The following FUT8 variants were observed in gnomAD, a reference collection of about 807,000 sequenced individuals.
The protein encoded by FUT8 is alpha-(1,6)-fucosyltransferase.
A neutral mutation model predicts 71.3 loss-of-function variants in FUT8; 29 were observed. The ratio of observed to expected loss-of-function variants is 0.41; its 90% CI spans 0.30 to 0.55. FUT8 has a LOEUF of 0.55. Ranked by LOEUF, FUT8 falls within the 20% of genes least tolerant of loss-of-function variation. The pLI, the probability that FUT8 is intolerant of heterozygous loss-of-function variation, is 0.34. For synonymous variants in FUT8, 254 were observed against 239.3 expected, an observed-to-expected ratio of 1.06 and a Z score of -0.57; for missense variants, 544 against 702.1, an observed-to-expected ratio of 0.77 and a Z score of 2.55.
chr14:65,599,826 CTTTA>C (rs1888203958), intron 3 of FUT8, among the ~76,000 whole-genome samples: 1 of 152,128 alleles, frequency 6.6e-6, no homozygotes, highest in Admixed American at 6.6e-5. Context: ...TAACTACTTT[CTTTA>C]TTTGGAAAAA....
intron 6 of FUT8, among the ~76,000 whole-genome samples, chr14:65,658,249 A>G (rs540278625): frequency 6.6e-6 from 1 of 152,192 alleles, no homozygotes; most frequent in Non-Finnish European, 1.5e-5. Flanking sequence ...TGCAAAAGAC[A>G]TGATGAGATA....
At chr14:65,576,218 A>T (rs1429244977) in intron 3 of FUT8, among the ~76,000 whole-genome samples, 1 of 152,138 alleles carries the variant, frequency 6.6e-6, no homozygotes. Context: ...AATGGCTTCC[A>T]GGCTAAGAAT....
At chr14:65,439,044 G>A (rs1351316694) in intron 1 of FUT8, among the ~76,000 whole-genome samples, 1 of 152,146 alleles carries the variant, frequency 6.6e-6, no homozygotes, top group Non-Finnish European at 1.5e-5. Flanking sequence ...ATACAGATTG[G>A]TTTGGCTAAT....
At chr14:65,446,105 A>G (rs536101655) in intron 1 of FUT8, among the ~76,000 whole-genome samples, 10 of 152,328 alleles carry the variant, frequency 6.6e-5, no homozygotes, top group African/African-American at 1.9e-4. Context: ...AATACTACGT[A>G]TATATGTATA....
chr14:65,384,895 C>CTTTT, the FUT8 span, among the ~76,000 whole-genome samples: 203 of 142,960 alleles, frequency 1.4e-3, 4 homozygotes, highest in East Asian at 2.9e-3. The surrounding 1 kb of genome is among the most constrained non-coding windows in gnomAD (Gnocchi z 4.2). Context: ...AGGTTAGATA[C>CTTTT]TTTTTTTTTT....
At chr14:65,614,222 A>G (rs1889164775) in intron 3 of FUT8, among the ~76,000 whole-genome samples, 1 of 152,200 alleles carries the variant, frequency 6.6e-6, no homozygotes, top group Admixed American at 6.5e-5. Flanking sequence ...GATAGCCCAG[A>G]CTTTTTGAGA....
intron 2 of FUT8, among the ~76,000 whole-genome samples, chr14:65,464,827 C>T (rs773122357): frequency 5.3e-5 from 8 of 152,064 alleles, no homozygotes; most frequent in African/African-American, 1.7e-4. Flanking sequence ...GGCTTATGAT[C>T]GGGGTAATGT....
At chr14:65,510,398 A>G (rs780066976) in intron 2 of FUT8, among the ~76,000 whole-genome samples, 6 of 151,712 alleles carry the variant, frequency 4.0e-5, no homozygotes, top group Non-Finnish European at 7.4e-5. Context: ...TCTTCTTTTG[A>G]TGTGTCTTTT....
chr14:65,380,516 A>T, the FUT8 span, among the ~76,000 whole-genome samples: 2 of 152,248 alleles, frequency 1.3e-5, no homozygotes, highest in South Asian at 4.1e-4. Context: ...AAGGGGTCCA[A>T]CAGCAGCTTT....
At chr14:65,688,755 A>G (rs923040411) in intron 7 of FUT8, among the ~76,000 whole-genome samples, 8 of 152,148 alleles carry the variant, frequency 5.3e-5, no homozygotes, top group Admixed American at 5.2e-4. Context: ...CATATGGCAA[A>G]ACTATGTTTA....
chr14:65,608,608 A>C (rs535483746), intron 3 of FUT8, among the ~76,000 whole-genome samples: 1 of 152,118 alleles, frequency 6.6e-6, no homozygotes, highest in East Asian at 1.9e-4. Context: ...ATTTTCATCA[A>C]GTTTTTATTT....
At chr14:65,547,251 A>T (rs190119901) in intron 2 of FUT8, among the ~76,000 whole-genome samples, 153 of 151,700 alleles carry the variant, frequency 1.0e-3, no homozygotes, top group Non-Finnish European at 1.9e-3. Flanking sequence ...TTACATTCAT[A>T]GAGCTTACAC....
At chr14:65,357,303 C>T in the FUT8 span, among the ~76,000 whole-genome samples, 1 of 152,128 alleles carries the variant, frequency 6.6e-6, no homozygotes. Flanking sequence ...GACCACAGAG[C>T]CAGAAGCCTC....
chr14:65,512,766 G>A (rs1178813296), intron 2 of FUT8, among the ~76,000 whole-genome samples: 4 of 151,822 alleles, frequency 2.6e-5, no homozygotes, highest in Admixed American at 6.6e-5. Context: ...AAAATTAGCC[G>A]GGCATGGTGG....
chr14:65,428,897 T>C (rs1400172163), intron 1 of FUT8, among the ~76,000 whole-genome samples: 1 of 152,158 alleles, frequency 6.6e-6, no homozygotes, highest in African/African-American at 2.4e-5. Flanking sequence ...GCACTCAAGG[T>C]AGTCAAGTGG....
chr14:65,689,526 TTTTG>T (rs201067769), intron 7 of FUT8, among the ~76,000 whole-genome samples: 2 of 152,126 alleles, frequency 1.3e-5, no homozygotes, highest in Non-Finnish European at 1.5e-5. Flanking sequence ...AGCAGAGGTT[TTTTG>T]TTTGTTTGTT....
the FUT8 span, among the ~76,000 whole-genome samples, chr14:65,364,036 G>A: frequency 6.4e-3 from 972 of 152,216 alleles, 13 homozygotes; most frequent in East Asian, 0.034. Context: ...TAGAAACTTG[G>A]TGGAGAACAC....
intron 1 of FUT8, among the ~76,000 whole-genome samples, chr14:65,427,145 A>T (rs2065402054): frequency 6.6e-6 from 1 of 152,100 alleles, no homozygotes. Context: ...TACAGGCGTG[A>T]ACCACCGCGC....
chr14:65,641,732 G>GTT (rs199802631), intron 6 of FUT8, among the ~76,000 whole-genome samples: 1 of 137,634 alleles, frequency 7.3e-6, no homozygotes, highest in African/African-American at 2.6e-5. Flanking sequence ...GTATGTCATG[G>GTT]TTTTTTTTTG....
Sources: allele counts gnomAD v4.1 joint callset (sites outside exome capture counted in the v4.1 genomes callset), GRCh38; gene constraint gnomAD v4.1.1; non-coding constraint Gnocchi (gnomAD v3.1); transcripts MANE v1.5; gene names NCBI Gene and HGNC (gene_info 2026-07-23, HGNC 2026-07-21).